Variants in KYNU observed in about 807,000 individuals in gnomAD.
KYNU encodes the protein L-kynurenine hydrolase.
KYNU carries 54 observed loss-of-function variants against 59.2 expected under a neutral mutation model. The observed-to-expected ratio is 0.91, with a 90% confidence interval of 0.73 to 1.14. The LOEUF is 1.14. Among genes scored for constraint, KYNU ranks in the 50% most tolerant of loss-of-function variants. KYNU has a pLI of 0.00. For missense variants in KYNU, 567 were observed against 554.4 expected (o/e 1.02, Z -0.23); for synonymous variants, 177 against 192.0 (o/e 0.92, Z 0.65).
chr2:143,000,382 T>C (rs1039699150), intron 10 of KYNU, among the ~76,000 whole-genome samples: 1 of 152,212 alleles, frequency 6.6e-6, no homozygotes, highest in Non-Finnish European at 1.5e-5. Context: ...TAGAGAATTA[T>C]AATATAAATA....
intron 2 of KYNU, among the ~76,000 whole-genome samples, chr2:142,915,943 TA>T (rs1447810779): frequency 2.0e-5 from 3 of 151,948 alleles, no homozygotes; most frequent in African/African-American, 7.3e-5. Flanking sequence ...GATGTTCTTA[TA>T]AAAGGGGGAA....
intron 10 of KYNU, among the ~76,000 whole-genome samples, chr2:142,992,715 G>A (rs1400827455): frequency 6.6e-6 from 1 of 151,772 alleles, no homozygotes; most frequent in African/African-American, 2.4e-5. Context: ...TCTTTCTAAG[G>A]TAATCTTCAC....
chr2:142,978,224 G>A (rs1684945235), intron 8 of KYNU, among the ~76,000 whole-genome samples: 1 of 151,752 alleles, frequency 6.6e-6, no homozygotes, highest in African/African-American at 2.4e-5. Context: ...CAGCATGTGT[G>A]CACACACACA....
At position 142,899,379 on chromosome 2, in the gene KYNU, C is replaced by A. The variant is rs1681994190; in HGVS notation, c.169+13843C>A. 3.3e-5 allele frequency among the ~76,000 whole-genome samples: 5 copies of A among 152,128 alleles called. No homozygotes were observed. The South Asian group carries it at 1.0e-3, about 32-fold the overall frequency. On this transcript the variant is annotated intron_variant, in intron 2 of 13. Transcript: ENST00000264170. ...GAGCCCTCTTTACTACCCGATTGGT[C>A]AGGTGTGAGCTGAGTTACCAGCCCT... is the stretch of plus-strand genomic sequence containing the variant.
chr2:142,973,527 G>C (rs1250852345), intron 8 of KYNU, among the ~76,000 whole-genome samples: 1 of 152,140 alleles, frequency 6.6e-6, no homozygotes, highest in East Asian at 1.9e-4. Flanking sequence ...AATGATGGCT[G>C]CATTACTACT....
intron 2 of KYNU, among the ~76,000 whole-genome samples, chr2:142,906,768 A>G (rs553247870): frequency 2.4e-4 from 36 of 152,280 alleles, no homozygotes; most frequent in African/African-American, 7.5e-4. Context: ...GGGCGCACAC[A>G]TGGGCGACTG....
At chr2:143,032,514 A>C (rs180833311) in intron 11 of KYNU, among the ~76,000 whole-genome samples, 114 of 152,274 alleles carry the variant, frequency 7.5e-4, no homozygotes, top group Non-Finnish European at 1.1e-3. Flanking sequence ...CCTGGATTTG[A>C]TAACTATAAA....
At chr2:143,033,938 A>C (rs898067535) in intron 12 of KYNU, among the ~76,000 whole-genome samples, 3 of 152,164 alleles carry the variant, frequency 2.0e-5, no homozygotes, top group African/African-American at 7.2e-5. Flanking sequence ...ATGTCCATTT[A>C]TAGTCTCCAC....
Position 142,957,762 on chromosome 2 carries a change from A to G in KYNU, c.582+47A>G, listed in dbSNP as rs113013322. The G allele has an allele frequency of 1.2e-3, 1,450 of 1,223,920 alleles. 15 individuals carry two copies. The African/African-American group carries it at 0.019, about 16-fold the overall frequency. The allele number at this position is 1,223,920 out of a possible 1,614,324, so 75.8% of individuals were successfully genotyped here. ...ATTTGTCATGCTTTGTTTAGTATTG[A>G]TTTTTTTCTTCATTTTCCTCAAAAG... On this transcript the variant is annotated intron_variant, in intron 7 of 13. Transcript: ENST00000264170.
chr2:142,959,997 G>A (rs943647112), intron 7 of KYNU, among the ~76,000 whole-genome samples: 14 of 151,906 alleles, frequency 9.2e-5, no homozygotes, highest in Admixed American at 3.9e-4. Context: ...CACTATTCTC[G>A]TGCTTCCGCC....
At chr2:142,962,063 T>G (rs1684374108) in intron 8 of KYNU, among the ~76,000 whole-genome samples, 2 of 152,204 alleles carry the variant, frequency 1.3e-5, no homozygotes. Flanking sequence ...ATAAAGATAA[T>G]GTCTTCTTAA....
At chr2:142,895,711 G>A (rs1325047783) in intron 2 of KYNU, among the ~76,000 whole-genome samples, 1 of 151,740 alleles carries the variant, frequency 6.6e-6, no homozygotes, top group East Asian at 1.9e-4. Flanking sequence ...TTTAGAAAAG[G>A]TCTTGCCCTG....
intron 12 of KYNU, among the ~76,000 whole-genome samples, chr2:143,037,225 C>A (rs1380873731): frequency 6.6e-6 from 1 of 152,142 alleles, no homozygotes; most frequent in Non-Finnish European, 1.5e-5. Context: ...GAAGTGTGAC[C>A]TTACACAAGC....
intron 2 of KYNU, among the ~76,000 whole-genome samples, chr2:142,914,849 T>C (rs996507186): frequency 6.6e-6 from 1 of 152,136 alleles, no homozygotes; most frequent in African/African-American, 2.4e-5. Context: ...GCCAGGCACA[T>C]GTGGGGACAA....
rs1424861187 is a variant in KYNU, at chr2:142,937,750, T to C, written c.373+10009T>C. On this transcript the variant is annotated intron_variant, in intron 4 of 13. Coordinates refer to ENST00000264170, the MANE Select transcript of KYNU (RefSeq NM_003937.3). ...GTTGGTCTCCTTTGATTGGCCAAAA[T>C]GTGGTGATTAGCACAAGAGTAGGTT... Among the ~76,000 whole-genome samples, 5 of 152,370 alleles carry C rather than the reference T, an allele frequency of 3.3e-5. No homozygotes were observed. The East Asian group carries it at 9.6e-4, about 29-fold the overall frequency.
chr2:142,946,106 C>G (rs1573822693), intron 4 of KYNU, among the ~76,000 whole-genome samples: 1 of 143,914 alleles, frequency 6.9e-6, no homozygotes, highest in Non-Finnish European at 1.5e-5. Flanking sequence ...ATTTTTGAGA[C>G]AGAGTCTTGC....
chr2:142,928,619 CAAATCATTA>C (rs1683114746), intron 4 of KYNU, among the ~76,000 whole-genome samples: 2 of 152,060 alleles, frequency 1.3e-5, no homozygotes, highest in Admixed American at 6.6e-5. Flanking sequence ...TGGCAACTGG[CAAATCATTA>C]AAATCTGGAG....
chr2:142,925,027 C>T (rs1353971456), intron 3 of KYNU, among the ~76,000 whole-genome samples: 1 of 152,110 alleles, frequency 6.6e-6, no homozygotes, highest in Admixed American at 6.6e-5. Context: ...AAGATTATTA[C>T]CACGGTGTCT....
chr2:143,054,656 A>G lies in KYNU; in HGVS notation c.*12484A>G, dbSNP rs1015800551. 1 of 152,220 alleles carries G rather than the reference A, an allele frequency of 6.6e-6. No individual in the cohort carries two copies. The highest frequency in any genetic ancestry group is 6.5e-5 in the Admixed American group (1 of 15,276). The allele number at this position is 152,220 out of a possible 1,614,324, so 9.4% of individuals were successfully genotyped here. Reference sequence around the variant, plus strand: ...AAATAAGAAACCAAGTCCAATCAAAATAGCCCTAAAGCTACCTTCCAGTTT... The same window carrying G: ...AAATAAGAAACCAAGTCCAATCAAAGTAGCCCTAAAGCTACCTTCCAGTTT... On this transcript the variant is annotated 3_prime_UTR_variant, in exon 14 of 14. Transcript: ENST00000264170.
Sources: gnomAD v4.1 joint callset for allele counts (sites outside exome capture counted in the v4.1 genomes callset) on GRCh38, gnomAD v4.1.1 for gene constraint, MANE v1.5 for transcripts, NCBI Gene and HGNC (gene_info 2026-07-23, HGNC 2026-07-21) for gene names.